DNAH7: variants seen among roughly 807,000 people sequenced by gnomAD.
DNAH7 encodes dynein axonemal heavy chain 7.
In DNAH7, 397 loss-of-function variants were observed where a neutral mutation model predicts 444.6. The ratio of observed to expected loss-of-function variants is 0.89; its 90% CI spans 0.82 to 0.97. The LOEUF is 0.97. Among genes scored for constraint, DNAH7 ranks in the 50% least tolerant of loss-of-function variants. The probability of loss-of-function intolerance (pLI) is 0.00; values close to 1 mark genes in which losing one functional copy is unlikely to be tolerated. For missense variants in DNAH7, 4,902 were observed against 4,800.8 expected (o/e 1.02, Z -0.62); for synonymous variants, 1,636 against 1,624.4 (o/e 1.01, Z -0.17).
At chr2:196,033,665 C>G (rs1696202281) in intron 5 of DNAH7, among the ~76,000 whole-genome samples, 1 of 152,060 alleles carries the variant, frequency 6.6e-6, no homozygotes, top group Non-Finnish European at 1.5e-5. Context: ...TGTATATATA[C>G]CACATTTTTT....
At chr2:195,838,354 G>C (rs1162980546) in intron 47 of DNAH7, among the ~76,000 whole-genome samples, 2 of 151,366 alleles carry the variant, frequency 1.3e-5, no homozygotes, top group Admixed American at 1.3e-4. Flanking sequence ...AATTCTCAAA[G>C]AAATAGACAG....
At chr2:195,825,839 G>C (rs895120285) in intron 48 of DNAH7, among the ~76,000 whole-genome samples, 1 of 152,218 alleles carries the variant, frequency 6.6e-6, no homozygotes, top group Admixed American at 6.5e-5. Context: ...CAATTGCCAT[G>C]AAAGTGCAGA....
rs1373394877 is a variant in DNAH7, at chr2:195,858,455, T to C, written c.8067+19A>G. On this transcript the variant is annotated intron_variant, in intron 43 of 64. Coordinates refer to ENST00000312428, the MANE Select transcript of DNAH7 (RefSeq NM_018897.3). ...CTATGATGACATGTGTCCTAGAAAG[T>C]GTATGGCGAAGCTCTTACCTGTGCA... 11 of 1,553,296 alleles carry C rather than the reference T, an allele frequency of 7.1e-6. No individual in the cohort carries two copies. Among genetic ancestry groups the C allele is most frequent in the Non-Finnish European group, 8.7e-6 (10 of 1,151,224 alleles).
At chr2:195,797,586 TA>T (rs980899211) in intron 55 of DNAH7, among the ~76,000 whole-genome samples, 2 of 152,296 alleles carry the variant, frequency 1.3e-5, no homozygotes, top group East Asian at 3.9e-4. Context: ...TTGTGTTGAC[TA>T]GGAGGTGAGT....
At chr2:195,843,309 C>T (rs1698798072) in intron 47 of DNAH7, among the ~76,000 whole-genome samples, 1 of 152,110 alleles carries the variant, frequency 6.6e-6, no homozygotes, top group Non-Finnish European at 1.5e-5. Flanking sequence ...AGCTAATGCA[C>T]ATATTTATCA....
intron 51 of DNAH7, among the ~76,000 whole-genome samples, chr2:195,814,636 T>C (rs552525329): frequency 6.6e-6 from 1 of 152,332 alleles, no homozygotes; most frequent in Non-Finnish European, 1.5e-5. Context: ...ATTCTAGTGG[T>C]TATTGTTATA....
chr2:196,036,450 G>A (rs1405825260), intron 5 of DNAH7, among the ~76,000 whole-genome samples: 1 of 152,154 alleles, frequency 6.6e-6, no homozygotes, highest in Non-Finnish European at 1.5e-5. Context: ...TTCATGCAGT[G>A]TCCTACTACC....
intron 47 of DNAH7, among the ~76,000 whole-genome samples, chr2:195,835,256 A>G (rs186776509): frequency 4.4e-4 from 67 of 152,252 alleles, no homozygotes; most frequent in Admixed American, 2.2e-3. Context: ...AAGTGAGCAG[A>G]GCATGAGAAG....
intron 24 of DNAH7, among the ~76,000 whole-genome samples, chr2:195,920,344 G>T (rs1230333692): frequency 1.3e-5 from 2 of 152,184 alleles, no homozygotes; most frequent in Admixed American, 6.5e-5. Flanking sequence ...AAACAGCATG[G>T]TACTAGTATA....
In DNAH7 at chr2:196,064,316, A is replaced by AAAATAAATAAAT. The variant is rs201123021; in HGVS notation, c.15+4369_15+4380dup. ...AGGTGACAGAGTGAGACTCCGTCTC[A>AAAATAAATAAAT]AAATAAATAAATAAATAAATAAATA... On this transcript the variant is annotated intron_variant, in intron 1 of 64. Transcript: ENST00000312428. 9.4e-4 allele frequency among the ~76,000 whole-genome samples: 47 copies of AAAATAAATAAAT among 50,180 alleles called. 1 individual carries two copies. Among genetic ancestry groups the AAAATAAATAAAT allele is most frequent in the African/African-American group, 1.8e-3 (46 of 25,526 alleles). 32.9% of individuals were successfully genotyped at this position (50,180 alleles called of 152,430 possible). A position where few individuals can be genotyped will look rare whatever the true frequency, so the allele number is the denominator to read the frequency against.
intron 17 of DNAH7, among the ~76,000 whole-genome samples, chr2:195,964,655 A>G (rs1691345056): frequency 6.7e-6 from 1 of 148,402 alleles, no homozygotes; most frequent in South Asian, 2.1e-4. Flanking sequence ...TCACGAGGTC[A>G]GGAGTTCGAG....
At chr2:195,752,735 GTC>G (rs1056674846) in intron 63 of DNAH7, among the ~76,000 whole-genome samples, 2 of 152,160 alleles carry the variant, frequency 1.3e-5, no homozygotes, top group African/African-American at 4.8e-5. Flanking sequence ...AGAGAAGCAT[GTC>G]TCTACAAATA....
chr2:196,019,428 A>G (rs1695234710), intron 8 of DNAH7, 133 bp from the exon 9 acceptor site: 1 of 620,454 alleles, frequency 1.6e-6, no homozygotes, highest in Admixed American at 4.1e-5. Flanking sequence ...AAAACAAGCA[A>G]TTATGTTTTA....
chr2:195,908,649 T>C (rs1166371836), intron 25 of DNAH7, among the ~76,000 whole-genome samples: 1 of 152,184 alleles, frequency 6.6e-6, no homozygotes, highest in Non-Finnish European at 1.5e-5. Context: ...ATTGTATAGA[T>C]ATACCCCATT....
At chr2:195,840,877 T>C (rs1381229429) in intron 47 of DNAH7, among the ~76,000 whole-genome samples, 1 of 151,878 alleles carries the variant, frequency 6.6e-6, no homozygotes, top group Non-Finnish European at 1.5e-5. Flanking sequence ...AAATTGATCT[T>C]AGATTCAATT....
At position 195,988,055 on chromosome 2, in the gene DNAH7, C is replaced by T; in HGVS notation, c.1528G>A (p.Asp510Asn). 2 of 1,613,500 alleles carry T rather than the reference C, an allele frequency of 1.2e-6. No individual in the cohort carries two copies. The highest frequency in any genetic ancestry group is 1.7e-6 in the Non-Finnish European group (2 of 1,179,738). Residue 510 changes from aspartate (D) to asparagine (N), a missense_variant, in exon 13 of 65, where the codon GAT becomes AAT. Transcript: ENST00000312428. ...CTATGATTTTCTGCGAGGAAGTTAT[C>T]AACATCTCGCTCAGCTTTTCTGGTA... ...LITRKAERDVDNFLAENHSYE... is the reference protein window; with the variant it reads ...LITRKAERDVNNFLAENHSYE...
intron 61 of DNAH7, among the ~76,000 whole-genome samples, chr2:195,763,364 T>A (rs1051028150): frequency 1.3e-5 from 2 of 151,368 alleles, no homozygotes; most frequent in African/African-American, 4.9e-5. Flanking sequence ...CCAAAATTAA[T>A]ATAAGAAAAG....
At chr2:196,008,246 A>G (rs1442899726) in intron 10 of DNAH7, among the ~76,000 whole-genome samples, 1 of 151,980 alleles carries the variant, frequency 6.6e-6, no homozygotes, top group African/African-American at 2.4e-5. Flanking sequence ...CAACTTCATA[A>G]CCACGAGGGT....
intron 42 of DNAH7, 69 bp downstream of exon 42, chr2:195,861,648 G>T: frequency 3.0e-6 from 3 of 1,000,160 alleles, no homozygotes; most frequent in Non-Finnish European, 4.5e-6. Flanking sequence ...TATATATTAT[G>T]TCGTTTTTGC....
Sources: gnomAD v4.1 joint callset for allele counts (sites outside exome capture counted in the v4.1 genomes callset) on GRCh38, gnomAD v4.1.1 for gene constraint, MANE v1.5 for transcripts, NCBI Gene and HGNC (gene_info 2026-07-23, HGNC 2026-07-21) for gene names.